The following SLC25A12 variants were observed in gnomAD, a reference collection of about 807,000 sequenced individuals.
SLC25A12 encodes the protein electrogenic aspartate/glutamate antiporter SLC25A12, mitochondrial.
In SLC25A12, 32 loss-of-function variants were observed where a neutral mutation model predicts 83.3. The ratio of observed to expected loss-of-function variants is 0.38; its 90% CI spans 0.29 to 0.52. The LOEUF is 0.52. SLC25A12 is among the 20% of genes least tolerant of loss of function. The pLI is 0.84. For missense variants in SLC25A12, 611 were observed against 835.6 expected (o/e 0.73, Z 3.31); for synonymous variants, 267 against 291.1 (o/e 0.92, Z 0.84).
intron 4 of SLC25A12, among the ~76,000 whole-genome samples, chr2:171,847,068 T>C (rs1684812614): frequency 6.6e-6 from 1 of 152,212 alleles, no homozygotes; most frequent in Non-Finnish European, 1.5e-5. Context: ...AAGTGGTCAC[T>C]TGACAGCTTT....
At chr2:171,803,719 G>A (rs752913369) in intron 13 of SLC25A12, among the ~76,000 whole-genome samples, 13 of 152,040 alleles carry the variant, frequency 8.6e-5, no homozygotes, top group Non-Finnish European at 1.8e-4. Context: ...CCAGGAGTTC[G>A]AGGCTGTAGC....
At position 171,787,999 on chromosome 2, in the gene SLC25A12, G is replaced by C. The variant is rs536200298; in HGVS notation, c.1586-52C>G. Reference sequence around the variant, plus strand: ...TATCTAGAGTACCTTATAAAAGATAGGAATACTGCTAACATCTACTATAGA... The same window carrying C: ...TATCTAGAGTACCTTATAAAAGATACGAATACTGCTAACATCTACTATAGA... On this transcript the variant is annotated intron_variant, in intron 15 of 17. Coordinates refer to ENST00000422440, the MANE Select transcript of SLC25A12 (RefSeq NM_003705.5). 635 of 1,579,444 alleles carry C rather than the reference G, an allele frequency of 4.0e-4. 2 individuals are homozygous for C. Among genetic ancestry groups the C allele is most frequent in the Non-Finnish European group, 4.9e-4 (562 of 1,150,624 alleles).
chr2:171,833,067 G>T (rs1408561144), intron 8 of SLC25A12, among the ~76,000 whole-genome samples: 1 of 152,084 alleles, frequency 6.6e-6, no homozygotes, highest in Non-Finnish European at 1.5e-5. Flanking sequence ...GACCATGTTT[G>T]TTCATCTTTT....
intron 8 of SLC25A12, among the ~76,000 whole-genome samples, chr2:171,828,023 G>A (rs573190246): frequency 5.5e-4 from 84 of 152,282 alleles, no homozygotes; most frequent in African/African-American, 1.9e-3. Context: ...GCAACTGCAG[G>A]TCTCTGGCCA....
chr2:171,855,818 C>A lies in SLC25A12; in HGVS notation c.325+16G>T, dbSNP rs1429341158. The A allele has an allele frequency of 7.1e-7, 1 of 1,416,046 alleles. No homozygotes were observed. The highest frequency in any genetic ancestry group is 2.3e-5 in the East Asian group (1 of 43,960). 87.7% of individuals were successfully genotyped at this position (1,416,046 alleles called of 1,614,324 possible). On this transcript the variant is annotated intron_variant, in intron 4 of 17. Coordinates refer to ENST00000422440, the MANE Select transcript of SLC25A12 (RefSeq NM_003705.5). ...GCATCATTAACTTATCACTTATAATCTTCTTTTTCCCTTACCAAATGTCAC... is the reference window on the plus strand; with the variant it reads ...GCATCATTAACTTATCACTTATAATATTCTTTTTCCCTTACCAAATGTCAC...
At chr2:171,831,069 T>C (rs976065349) in intron 8 of SLC25A12, among the ~76,000 whole-genome samples, 6 of 152,250 alleles carry the variant, frequency 3.9e-5, no homozygotes, top group African/African-American at 1.4e-4. Flanking sequence ...CCTAGCTCTA[T>C]GTGAACGTGA....
At position 171,868,678 on chromosome 2, in the gene SLC25A12, T is replaced by C. The variant is rs1449169785; in HGVS notation, c.209+3A>G. 2 of 1,613,584 alleles carry C rather than the reference T, an allele frequency of 1.2e-6. No individual in the cohort carries two copies. The highest frequency in any genetic ancestry group is 1.7e-6 in the Non-Finnish European group (2 of 1,179,490). On this transcript the variant is annotated splice_donor_region_variant and intron_variant, in intron 3 of 17. Transcript: ENST00000422440. ...TTTTCAGAAAATGCATGAAGATACT[T>C]ACCCATCCTTGGTTTGATCAGCTAC...
chr2:171,817,373 G>A (rs1297777572), intron 9 of SLC25A12, among the ~76,000 whole-genome samples: 1 of 152,014 alleles, frequency 6.6e-6, no homozygotes, highest in Non-Finnish European at 1.5e-5. Flanking sequence ...AGGCCAAGGT[G>A]GGCGGATCAC....
intron 2 of SLC25A12, among the ~76,000 whole-genome samples, chr2:171,873,355 A>G: frequency 6.6e-6 from 1 of 152,034 alleles, no homozygotes; most frequent in Admixed American, 6.6e-5. Context: ...GGCTGAGGCA[A>G]GAGAATTGCT....
At chr2:171,793,945 G>A (rs1199433800) in intron 13 of SLC25A12, among the ~76,000 whole-genome samples, 178 bp from the exon 14 acceptor site, 2 of 152,204 alleles carry the variant, frequency 1.3e-5, no homozygotes, top group African/African-American at 4.8e-5. Flanking sequence ...GAGGTTCAGA[G>A]GGATGGTCCC....
At chr2:171,805,547 A>G (rs550607188) in intron 13 of SLC25A12, among the ~76,000 whole-genome samples, 11 of 152,386 alleles carry the variant, frequency 7.2e-5, no homozygotes, top group African/African-American at 2.6e-4. Flanking sequence ...TTGAACCACA[A>G]TTTTGATATT....
intron 2 of SLC25A12, among the ~76,000 whole-genome samples, chr2:171,871,157 G>A (rs1685448963): frequency 6.6e-6 from 1 of 152,082 alleles, no homozygotes; most frequent in South Asian, 2.1e-4. Context: ...AGCCATGATT[G>A]TGCCACCACA....
chr2:171,789,774 G>C (rs973208678), intron 15 of SLC25A12, among the ~76,000 whole-genome samples: 2 of 152,008 alleles, frequency 1.3e-5, no homozygotes, highest in Non-Finnish European at 2.9e-5. Context: ...CACGCCTGTA[G>C]TCCCAACTAC....
chr2:171,787,731 C>A, intron 16 of SLC25A12, 58 bp downstream of exon 16: 1 of 1,610,016 alleles, frequency 6.2e-7, no homozygotes, highest in South Asian at 1.1e-5. Flanking sequence ...GCCACTGAGT[C>A]ACAGGGGAGG....
chr2:171,849,558 CT>C (rs72304626), intron 4 of SLC25A12, among the ~76,000 whole-genome samples: 18,054 of 114,368 alleles, frequency 0.16, 1,231 homozygotes, highest in African/African-American at 0.31. Flanking sequence ...GTGGTGTGAT[CT>C]TTTTTTTTTT....
chr2:171,836,881 T>G (rs1328213544), intron 6 of SLC25A12, among the ~76,000 whole-genome samples: 1 of 142,272 alleles, frequency 7.0e-6, no homozygotes, highest in African/African-American at 2.5e-5. Flanking sequence ...AAAACTATGA[T>G]CCGGGAAAAG....
chr2:171,873,746 A>T (rs1489723508), intron 2 of SLC25A12, among the ~76,000 whole-genome samples: 1 of 152,036 alleles, frequency 6.6e-6, no homozygotes, highest in Non-Finnish European at 1.5e-5. Context: ...TATAATGTTA[A>T]TATATATACA....
chr2:171,831,094 T>C (rs1015064971), intron 8 of SLC25A12, among the ~76,000 whole-genome samples: 2 of 152,234 alleles, frequency 1.3e-5, no homozygotes, highest in African/African-American at 4.8e-5. Flanking sequence ...TTAAACTGCG[T>C]TGTGCCTCAG....
chr2:171,840,792 T>G (rs747244789), intron 5 of SLC25A12, among the ~76,000 whole-genome samples: 13 of 152,054 alleles, frequency 8.5e-5, no homozygotes, highest in African/African-American at 1.2e-4. Flanking sequence ...AAAAGCCCAA[T>G]GAATGAAGAG....
Sources: allele counts gnomAD v4.1 joint callset (sites outside exome capture counted in the v4.1 genomes callset), GRCh38; gene constraint gnomAD v4.1.1; transcripts MANE v1.5; gene names NCBI Gene and HGNC (gene_info 2026-07-23, HGNC 2026-07-21).